Variants in FAM107B observed in about 807,000 individuals in gnomAD.
The protein encoded by FAM107B is family with sequence similarity 107 member B.
Under a neutral mutation model 31.5 loss-of-function variants are expected in FAM107B, and 21 were observed. The ratio of observed to expected loss-of-function variants is 0.67; its 90% CI spans 0.47 to 0.96. The LOEUF is 0.96. Among genes scored for constraint, FAM107B ranks in the 40% least tolerant of loss-of-function variants. The pLI, the probability that FAM107B is intolerant of heterozygous loss-of-function variation, is 0.00. For synonymous variants in FAM107B, 157 were observed against 141.5 expected (o/e 1.11, Z -0.78); for missense variants, 452 against 377.1 (o/e 1.20, Z -1.64).
chr10:14,742,892 G>A (rs143866364), intron 1 of FAM107B, among the ~76,000 whole-genome samples: 156 of 151,918 alleles, frequency 1.0e-3, no homozygotes, highest in Non-Finnish European at 1.9e-3. Flanking sequence ...ACTCCACTGC[G>A]ACAACTCTCA....
At chr10:14,609,656 C>G (rs888967473) in intron 2 of FAM107B, among the ~76,000 whole-genome samples, 1 of 152,206 alleles carries the variant, frequency 6.6e-6, no homozygotes, top group African/African-American at 2.4e-5. Context: ...CCTATCTTGA[C>G]AGGTAACTGA....
chr10:14,646,265 G>T (rs181899212), intron 2 of FAM107B, among the ~76,000 whole-genome samples: 95 of 152,102 alleles, frequency 6.2e-4, no homozygotes, highest in Non-Finnish European at 1.2e-3. Flanking sequence ...AGGGAGTCTG[G>T]GCCTTTAGTG....
intron 2 of FAM107B, among the ~76,000 whole-genome samples, chr10:14,615,283 C>A (rs1413666200): frequency 6.6e-6 from 1 of 152,028 alleles, no homozygotes; most frequent in Non-Finnish European, 1.5e-5. Context: ...GAGCTGAGAT[C>A]ATGCCACTGC....
At chr10:14,663,519 T>A (rs1854306953) in intron 2 of FAM107B, 1 of 152,258 alleles carries the variant, frequency 6.6e-6, no homozygotes, top group African/African-American at 2.4e-5. Flanking sequence ...CCCTGCAGAA[T>A]CTGCCCAGCA....
intron 1 of FAM107B, among the ~76,000 whole-genome samples, chr10:14,693,778 C>A (rs529278787): frequency 1.4e-4 from 21 of 152,258 alleles, no homozygotes; most frequent in African/African-American, 5.1e-4. Flanking sequence ...CCCTTCCCAC[C>A]CCTGGGAACC....
intron 1 of FAM107B, among the ~76,000 whole-genome samples, chr10:14,733,243 T>G (rs886583505): frequency 6.6e-6 from 1 of 152,066 alleles, no homozygotes; most frequent in Non-Finnish European, 1.5e-5. Context: ...CTATAGTACA[T>G]GCAATCAACC....
At chr10:14,642,598 T>G (rs962095150) in intron 2 of FAM107B, among the ~76,000 whole-genome samples, 2 of 148,198 alleles carry the variant, frequency 1.3e-5, no homozygotes, top group African/African-American at 5.0e-5. Context: ...AGTGATAGTT[T>G]GGCCATGACC....
At chr10:14,771,906 A>G (rs1299250556) in intron 1 of FAM107B, among the ~76,000 whole-genome samples, 1 of 152,232 alleles carries the variant, frequency 6.6e-6, no homozygotes, top group Non-Finnish European at 1.5e-5. Context: ...ACAATTAATT[A>G]GTAGTAGAAG....
At chr10:14,653,776 T>G (rs755671895) in intron 2 of FAM107B, 2 of 152,166 alleles carry the variant, frequency 1.3e-5, no homozygotes, top group Non-Finnish European at 2.9e-5. Context: ...TGTGTAAAGA[T>G]CACTGGGTGA....
At chr10:14,555,007 A>C (rs1849577167) in intron 2 of FAM107B, among the ~76,000 whole-genome samples, 2 of 149,610 alleles carry the variant, frequency 1.3e-5, no homozygotes, top group South Asian at 4.2e-4. Flanking sequence ...TGTCAGACCG[A>C]AATTATTAGT....
At chr10:14,610,934 G>A (rs717069) in intron 2 of FAM107B, among the ~76,000 whole-genome samples, 74,444 of 151,842 alleles carry the variant, frequency 0.49, 18,929 homozygotes, top group Admixed American at 0.59. Flanking sequence ...ACTTAATTTC[G>A]TTTTTAAAGA....
intron 2 of FAM107B, among the ~76,000 whole-genome samples, chr10:14,571,062 G>A (rs926765106): frequency 6.6e-6 from 1 of 152,066 alleles, no homozygotes; most frequent in Non-Finnish European, 1.5e-5. Flanking sequence ...CAAGATCAAG[G>A]TGCCAGCAGA....
At chr10:14,625,850 ATGC>A (rs1853146702) in intron 2 of FAM107B, among the ~76,000 whole-genome samples, 1 of 104,592 alleles carries the variant, frequency 9.6e-6, no homozygotes, top group East Asian at 3.9e-4. Context: ...TCCGACCTCC[ATGC>A]AGCTGCTCAT....
chr10:14,607,631 C>G (rs549212614), intron 2 of FAM107B, among the ~76,000 whole-genome samples: 1 of 152,304 alleles, frequency 6.6e-6, no homozygotes, highest in African/African-American at 2.4e-5. Flanking sequence ...ATTTCACATT[C>G]TGAATGTAGA....
chr10:14,744,741 G>C (rs1777127403), intron 1 of FAM107B, among the ~76,000 whole-genome samples: 1 of 152,048 alleles, frequency 6.6e-6, no homozygotes, highest in Non-Finnish European at 1.5e-5. Context: ...TGCTGGATTT[G>C]GTTTGCCAGT....
In FAM107B at chr10:14,736,950, C is replaced by A. The variant is rs186542007; in HGVS notation, c.411+37303G>T. ...ACTCAGATAGGAAGCCGACACCAGG[C>A]GGCCTTGTTGGCAGTCTGGGGAAAG... On this transcript the variant is annotated intron_variant, in intron 1 of 4. Coordinates refer to ENST00000181796, the MANE Select transcript of FAM107B (RefSeq NM_031453.4). Among the ~76,000 whole-genome samples, 22 of 152,296 alleles carry A rather than the reference C, an allele frequency of 1.4e-4. 1 individual carries two copies. The highest frequency in any genetic ancestry group is 1.4e-3 in the Admixed American group (21 of 15,292).
At chr10:14,559,067 C>A (rs768948007) in intron 2 of FAM107B, among the ~76,000 whole-genome samples, 1 of 146,788 alleles carries the variant, frequency 6.8e-6, no homozygotes. Context: ...CTTTCAACCA[C>A]GGCTCACACA....
At chr10:14,655,671 C>A (rs914294049) in intron 2 of FAM107B, among the ~76,000 whole-genome samples, 4 of 152,156 alleles carry the variant, frequency 2.6e-5, no homozygotes, top group African/African-American at 9.7e-5. Context: ...CAGGGAGAAG[C>A]AGTTCATATG....
At chr10:14,695,476 A>G (rs1282784825) in intron 1 of FAM107B, among the ~76,000 whole-genome samples, 1 of 152,068 alleles carries the variant, frequency 6.6e-6, no homozygotes, top group African/African-American at 2.4e-5. Flanking sequence ...ATTTGGGTTC[A>G]TTTGTGTTTC....
Sources: allele counts gnomAD v4.1 joint callset (sites outside exome capture counted in the v4.1 genomes callset), GRCh38; gene constraint gnomAD v4.1.1; transcripts MANE v1.5; gene names NCBI Gene and HGNC (gene_info 2026-07-23, HGNC 2026-07-21).